ENOX1: variants seen among roughly 807,000 people sequenced by gnomAD.
The protein encoded by ENOX1 is candidate growth-related and time keeping constitutive hydroquinone (NADH) oxidase.
A neutral mutation model predicts 82.5 loss-of-function variants in ENOX1; 42 were observed. That is an observed-to-expected ratio of 0.51 (90% CI 0.40 to 0.66). The LOEUF (loss-of-function observed/expected upper bound fraction) is 0.66, where lower values mean the gene tolerates loss of function less well. ENOX1 is among the 30% of genes least tolerant of loss of function. The probability of loss-of-function intolerance (pLI) is 0.00; values close to 1 mark genes in which losing one functional copy is unlikely to be tolerated. For missense variants in ENOX1, 608 were observed against 811.6 expected (o/e 0.75, Z 3.05); for synonymous variants, 271 against 282.2 (o/e 0.96, Z 0.40).
chr13:43,232,938 G>A (rs561989305), intron 15 of ENOX1, among the ~76,000 whole-genome samples: 2 of 152,214 alleles, frequency 1.3e-5, no homozygotes, highest in East Asian at 1.9e-4. Context: ...AGAACTATTA[G>A]CTTGTCAATA....
intron 3 of ENOX1, among the ~76,000 whole-genome samples, chr13:43,476,228 G>C (rs568850947): frequency 2.6e-5 from 4 of 152,036 alleles, no homozygotes; most frequent in African/African-American, 4.8e-5. Context: ...TAGGTATAAC[G>C]CTCCATAAAA....
intron 10 of ENOX1, among the ~76,000 whole-genome samples, chr13:43,324,327 T>C (rs549209434): frequency 6.6e-6 from 1 of 152,138 alleles, no homozygotes; most frequent in East Asian, 1.9e-4. Flanking sequence ...GTTGTTCTTG[T>C]GGGAAAGGGT....
chr13:43,660,092 C>A (rs1025902686), intron 2 of ENOX1, among the ~76,000 whole-genome samples: 2 of 152,214 alleles, frequency 1.3e-5, no homozygotes, highest in African/African-American at 4.8e-5. Flanking sequence ...TATCTCCACT[C>A]TCCCTTCCAG....
chr13:43,626,994 T>C (rs1470431050), intron 2 of ENOX1, among the ~76,000 whole-genome samples: 1 of 151,428 alleles, frequency 6.6e-6, no homozygotes, highest in Non-Finnish European at 1.5e-5. Flanking sequence ...ACATTTAGAA[T>C]TGCAATATCT....
chr13:43,476,213 C>T (rs1201907580), intron 3 of ENOX1, among the ~76,000 whole-genome samples: 2 of 152,074 alleles, frequency 1.3e-5, no homozygotes, highest in African/African-American at 4.8e-5. Context: ...TTATTGAGCA[C>T]ATGCTAGGTA....
chr13:43,453,815 C>T (rs2057090127), intron 3 of ENOX1, among the ~76,000 whole-genome samples: 2 of 152,030 alleles, frequency 1.3e-5, no homozygotes, highest in Admixed American at 1.3e-4. Context: ...AATAATTGCA[C>T]TACAAGCAAA....
chr13:43,634,457 T>G (rs534502556), intron 2 of ENOX1, among the ~76,000 whole-genome samples: 1 of 152,170 alleles, frequency 6.6e-6, no homozygotes, highest in Non-Finnish European at 1.5e-5. Flanking sequence ...TAAACAAGGA[T>G]AGTAAATTTC....
chr13:43,778,427 C>G (rs953170298), intron 1 of ENOX1, among the ~76,000 whole-genome samples: 1 of 152,144 alleles, frequency 6.6e-6, no homozygotes, highest in Non-Finnish European at 1.5e-5. Flanking sequence ...CAACCCCACC[C>G]CCAGCTACCA....
At chr13:43,397,145 G>A (rs891054798) in intron 5 of ENOX1, among the ~76,000 whole-genome samples, 9 of 152,194 alleles carry the variant, frequency 5.9e-5, no homozygotes, top group Non-Finnish European at 1.3e-4. Flanking sequence ...GCCCCAGCAA[G>A]GATGACATAG....
At chr13:43,577,872 C>G (rs2080515987) in intron 2 of ENOX1, among the ~76,000 whole-genome samples, 1 of 152,172 alleles carries the variant, frequency 6.6e-6, no homozygotes, top group Admixed American at 6.5e-5. Context: ...TGCCCCTATC[C>G]TGATTGACAG....
chr13:43,487,916 T>C (rs1393269022), intron 2 of ENOX1, among the ~76,000 whole-genome samples: 1 of 152,234 alleles, frequency 6.6e-6, no homozygotes, highest in Non-Finnish European at 1.5e-5. Context: ...AACATTCTTA[T>C]TTCCCGCATA....
At chr13:43,257,523 A>G (rs764436633) in intron 14 of ENOX1, among the ~76,000 whole-genome samples, 30 of 152,256 alleles carry the variant, frequency 2.0e-4, no homozygotes, top group Non-Finnish European at 3.4e-4. Flanking sequence ...ATGATATGCT[A>G]TAAATTTGAT....
chr13:43,535,354 T>A (rs2078412466), intron 2 of ENOX1, among the ~76,000 whole-genome samples: 1 of 152,186 alleles, frequency 6.6e-6, no homozygotes, highest in South Asian at 2.1e-4. Flanking sequence ...CAAAAACATA[T>A]GAGAAGACCT....
intron 11 of ENOX1, among the ~76,000 whole-genome samples, chr13:43,316,303 G>A (rs565643709): frequency 6.6e-6 from 1 of 152,330 alleles, no homozygotes; most frequent in South Asian, 2.1e-4. Context: ...TGGCACAGTT[G>A]AGTAGTTAAG....
intron 3 of ENOX1, among the ~76,000 whole-genome samples, chr13:43,468,554 C>G (rs137885126): frequency 0.01 from 1,532 of 149,672 alleles, 20 homozygotes; most frequent in African/African-American, 0.036. Context: ...CTTAGGGAGG[C>G]AGAATCAGGA....
chr13:43,335,434 C>T (rs2048642730), intron 9 of ENOX1, among the ~76,000 whole-genome samples: 1 of 152,046 alleles, frequency 6.6e-6, no homozygotes, highest in Non-Finnish European at 1.5e-5. Context: ...TTTTTTTATG[C>T]ATGGATTTTG....
intron 1 of ENOX1, among the ~76,000 whole-genome samples, chr13:43,698,293 A>G (rs1200417757): frequency 6.6e-6 from 1 of 152,152 alleles, no homozygotes; most frequent in East Asian, 1.9e-4. Context: ...AAGAATCACA[A>G]CTCCTACATA....
intron 2 of ENOX1, among the ~76,000 whole-genome samples, chr13:43,642,824 T>C (rs939056654): frequency 2.6e-5 from 4 of 152,248 alleles, no homozygotes; most frequent in Admixed American, 6.5e-5. Flanking sequence ...TCCTGCCTAA[T>C]AGAGCTCAGA....
At chr13:43,776,229 G>C (rs1033380624) in intron 1 of ENOX1, among the ~76,000 whole-genome samples, 2 of 152,172 alleles carry the variant, frequency 1.3e-5, no homozygotes, top group Non-Finnish European at 2.9e-5. Flanking sequence ...TAGAAAATAA[G>C]ATAGGGAGTG....
Sources: gnomAD v4.1 joint callset for allele counts (sites outside exome capture counted in the v4.1 genomes callset) on GRCh38, gnomAD v4.1.1 for gene constraint, MANE v1.5 for transcripts, NCBI Gene and HGNC (gene_info 2026-07-23, HGNC 2026-07-21) for gene names.